DENND1A: variants seen among roughly 807,000 people sequenced by gnomAD.
DENND1A encodes the protein DENN domain-containing protein 1A.
In DENND1A, 51 loss-of-function variants were observed where a neutral mutation model predicts 113.7. The ratio of observed to expected loss-of-function variants is 0.45; its 90% CI spans 0.36 to 0.57. The LOEUF (loss-of-function observed/expected upper bound fraction) is 0.57, where lower values mean the gene tolerates loss of function less well. Ranked by LOEUF, DENND1A falls within the 20% of genes least tolerant of loss-of-function variation. The pLI is 0.00. For synonymous variants in DENND1A, 565 were observed against 570.8 expected, an observed-to-expected ratio of 0.99 and a Z score of 0.14; for missense variants, 1,258 against 1,395.9, an observed-to-expected ratio of 0.90 and a Z score of 1.57.
intron 1 of DENND1A, among the ~76,000 whole-genome samples, chr9:123,900,539 G>C (rs1851450559): frequency 6.6e-6 from 1 of 151,938 alleles, no homozygotes; most frequent in Admixed American, 6.6e-5. Context: ...CCTAAAGAAT[G>C]AGCAGAAGTT....
At chr9:123,711,921 T>C (rs1397584029) in intron 5 of DENND1A, among the ~76,000 whole-genome samples, 6 of 152,202 alleles carry the variant, frequency 3.9e-5, no homozygotes, top group Non-Finnish European at 8.8e-5. Context: ...CACCACTGGC[T>C]TATCCAGCTC....
chr9:123,708,669 T>G (rs922913738), intron 5 of DENND1A, among the ~76,000 whole-genome samples: 1 of 152,110 alleles, frequency 6.6e-6, no homozygotes, highest in African/African-American at 2.4e-5. Flanking sequence ...TATGTGGGGT[T>G]TTTTCTTCTT....
intron 6 of DENND1A, among the ~76,000 whole-genome samples, chr9:123,672,611 G>C (rs1223474320): frequency 6.6e-6 from 1 of 152,136 alleles, no homozygotes; most frequent in African/African-American, 2.4e-5. Flanking sequence ...ACCTTTAAGA[G>C]TGAGTACATC....
At chr9:123,453,235 T>C (rs1396990007) in intron 16 of DENND1A, among the ~76,000 whole-genome samples, 1 of 152,142 alleles carries the variant, frequency 6.6e-6, no homozygotes, top group Non-Finnish European at 1.5e-5. Context: ...TACAACAGCG[T>C]GTGATGACGG....
chr9:123,687,978 C>T (rs2064921564), intron 5 of DENND1A, among the ~76,000 whole-genome samples: 1 of 152,240 alleles, frequency 6.6e-6, no homozygotes, highest in African/African-American at 2.4e-5. Flanking sequence ...CACCTAGGTG[C>T]AAGCACATTG....
intron 18 of DENND1A, among the ~76,000 whole-genome samples, chr9:123,445,238 T>C (rs1162736926): frequency 1.3e-5 from 2 of 151,980 alleles, no homozygotes; most frequent in Non-Finnish European, 2.9e-5. Flanking sequence ...CTGGGTGGCC[T>C]TGGGTAGGGG....
intron 5 of DENND1A, among the ~76,000 whole-genome samples, chr9:123,724,480 A>G (rs2067557000): frequency 1.3e-5 from 2 of 151,722 alleles, no homozygotes; most frequent in Non-Finnish European, 2.9e-5. Flanking sequence ...AGGGGAGGAG[A>G]AGAGAGAAAT....
At chr9:123,816,597 T>G (rs1411870654) in intron 2 of DENND1A, among the ~76,000 whole-genome samples, 1 of 152,238 alleles carries the variant, frequency 6.6e-6, no homozygotes, top group Non-Finnish European at 1.5e-5. Flanking sequence ...AACACAAATC[T>G]GTGAGATCAC....
intron 13 of DENND1A, among the ~76,000 whole-genome samples, chr9:123,487,558 T>C (rs1390760726): frequency 6.6e-6 from 1 of 152,224 alleles, no homozygotes; most frequent in Non-Finnish European, 1.5e-5. Context: ...CTGGATGCGA[T>C]TGTCCTGTGG....
intron 7 of DENND1A, among the ~76,000 whole-genome samples, chr9:123,668,344 C>T (rs1013654515): frequency 2.0e-5 from 3 of 152,084 alleles, no homozygotes; most frequent in South Asian, 4.1e-4. Flanking sequence ...TGGGGACAAT[C>T]GTAATGATGA....
intron 13 of DENND1A, among the ~76,000 whole-genome samples, chr9:123,497,643 T>C (rs929312402): frequency 1.3e-5 from 2 of 152,112 alleles, no homozygotes; most frequent in East Asian, 3.9e-4. Context: ...ACTGTTGATA[T>C]AAACTGCTAA....
chr9:123,457,687 G>A lies in DENND1A; in HGVS notation c.1098+106C>T, dbSNP rs1435591339. On this transcript the variant is annotated intron_variant, in intron 14 of 23. Coordinates refer to ENST00000394215, the MANE Select transcript of DENND1A (RefSeq NM_001352964.2). ...CCCTCCCCTGAGCCTCTTTTGCCTG[G>A]GGCCTGAGTCCCATCCATGCCTGCG... 1.0e-4 allele frequency: 112 copies of A among 1,101,514 alleles called. 1 individual carries two copies. In the East Asian group the frequency reaches 2.9e-3, roughly 28 times the overall value. The allele number at this position is 1,101,514 out of a possible 1,614,324, so 68.2% of individuals were successfully genotyped here.
At chr9:123,431,820 C>T (rs1404189221) in intron 19 of DENND1A, among the ~76,000 whole-genome samples, 1 of 152,100 alleles carries the variant, frequency 6.6e-6, no homozygotes, top group African/African-American at 2.4e-5. Flanking sequence ...CTTAGGCCAT[C>T]CCAACACCTA....
At chr9:123,468,755 G>A (rs1418421879) in intron 13 of DENND1A, among the ~76,000 whole-genome samples, 1 of 152,238 alleles carries the variant, frequency 6.6e-6, no homozygotes, top group Non-Finnish European at 1.5e-5. Flanking sequence ...AGCTGAGAGA[G>A]TGGGGACAGC....
At chr9:123,589,647 GAAAAAAAAAA>G (rs58211177) in intron 11 of DENND1A, among the ~76,000 whole-genome samples, 26 of 35,434 alleles carry the variant, frequency 7.3e-4, no homozygotes, top group Non-Finnish European at 1.3e-3. Context: ...TTCTCAGAAT[GAAAAAAAAAA>G]AAAAAAAAAA....
intron 21 of DENND1A, chr9:123,401,694 G>C (rs141614714): frequency 2.0e-6 from 3 of 1,534,796 alleles, no homozygotes; most frequent in East Asian, 4.6e-5. Flanking sequence ...AAAACTAAAA[G>C]TGATACTGAC....
At chr9:123,450,332 C>T (rs1270215476) in intron 18 of DENND1A, among the ~76,000 whole-genome samples, 3 of 152,224 alleles carry the variant, frequency 2.0e-5, no homozygotes, top group Admixed American at 2.0e-4. Flanking sequence ...TGGTTACAAC[C>T]GGCCCTGGGG....
chr9:123,883,712 G>T (rs1317569882), intron 1 of DENND1A, among the ~76,000 whole-genome samples: 1 of 152,172 alleles, frequency 6.6e-6, no homozygotes, highest in Non-Finnish European at 1.5e-5. Context: ...AAAGGCATTT[G>T]TGGAAACAAG....
At chr9:123,606,344 A>G (rs1365818434) in intron 11 of DENND1A, among the ~76,000 whole-genome samples, 1 of 151,936 alleles carries the variant, frequency 6.6e-6, no homozygotes, top group Non-Finnish European at 1.5e-5. Context: ...ACAGGAGTTC[A>G]GCACAGCAAA....
Sources: allele counts gnomAD v4.1 joint callset (sites outside exome capture counted in the v4.1 genomes callset), GRCh38; gene constraint gnomAD v4.1.1; transcripts MANE v1.5; gene names NCBI Gene and HGNC (gene_info 2026-07-23, HGNC 2026-07-21).